The following SYNE1 variants were observed in gnomAD, a reference collection of about 807,000 sequenced individuals.
The protein encoded by SYNE1 is spectrin repeat containing nuclear envelope protein 1.
In SYNE1, 616 loss-of-function variants were observed where a neutral mutation model predicts 1,111.0. That is an observed-to-expected ratio of 0.55 (90% CI 0.52 to 0.59). SYNE1 has a LOEUF of 0.59. SYNE1 is among the 20% of genes least tolerant of loss of function. The pLI is 0.00. For missense variants in SYNE1, 10,006 were observed against 10,417.0 expected (o/e 0.96, Z 1.72); for synonymous variants, 3,855 against 3,825.8 (o/e 1.01, Z -0.28).
At chr6:152,442,302 G>A (rs2098538816) in intron 30 of SYNE1, 57 bp from the exon 31 acceptor site, 14 of 1,601,480 alleles carry the variant, frequency 8.7e-6, no homozygotes, top group Non-Finnish European at 5.1e-6. Flanking sequence ...CAGCTAAGTA[G>A]GGACATCAAC....
intron 127 of SYNE1, among the ~76,000 whole-genome samples, chr6:152,198,984 T>TAA (rs61232469): frequency 0.16 from 21,696 of 134,992 alleles, 1,811 homozygotes; most frequent in East Asian, 0.22. Context: ...CTTCAATTTG[T>TAA]AAAAAAAAAA....
intron 2 of SYNE1, 42 bp downstream of exon 2, chr6:152,636,594 GTC>G (rs2099706282): frequency 6.5e-6 from 1 of 152,930 alleles, no homozygotes. Flanking sequence ...TCCTCTCCCT[GTC>G]TCTGTCTCTC....
intron 4 of SYNE1, among the ~76,000 whole-genome samples, chr6:152,532,919 G>T (rs542582319): frequency 6.6e-6 from 1 of 152,030 alleles, no homozygotes; most frequent in Admixed American, 6.6e-5. Context: ...AAGGAAGAGA[G>T]GTTAACCAGC....
rs214976 is a variant in SYNE1, at chr6:152,451,129, A to G, written c.3104T>C (p.Val1035Ala). 0.44 allele frequency: 717,008 copies of G among 1,613,752 alleles called. 167,640 individuals carry two copies. Among genetic ancestry groups the G allele is most frequent in the East Asian group, 0.78 (34,820 of 44,856 alleles). The change falls in exon 26 of 146, where the codon GTA becomes GCA. Residue 1035 changes from valine to alanine, a missense_variant. This residue lies in a region of SYNE1 where 1,971 missense variants were observed against 2,084.1 expected (regional missense o/e 0.95). Coordinates refer to ENST00000367255, the MANE Select transcript of SYNE1 (RefSeq NM_182961.4). ...ATCCAGCTCAGTTCTGCATTCTTCT[A>G]CAGAGGCTAAGAACCTATTCTTCTC... ...DVEKNRFLAS[V>A]EECRTELDRE...
chr6:152,319,468 T>C (rs1383240485), intron 84 of SYNE1, among the ~76,000 whole-genome samples: 1 of 152,230 alleles, frequency 6.6e-6, no homozygotes, highest in Non-Finnish European at 1.5e-5. Context: ...TAATGATCTG[T>C]TAACTCTTTT....
intron 98 of SYNE1, chr6:152,277,829 T>C (rs1020126614): frequency 1.9e-6 from 1 of 531,638 alleles, no homozygotes; most frequent in African/African-American, 1.9e-5. Flanking sequence ...CTCTCATTGT[T>C]ACTTTCATGT....
In SYNE1 at chr6:152,475,238, G is replaced by A. The variant is rs548211252; in HGVS notation, c.1351-2825C>T. ...TCAGAACAGAAGCATTATAAGTACA[G>A]TCACTCCTTGACTCATGATGGGGTT... is the stretch of plus-strand genomic sequence containing the variant. On this transcript the variant is annotated intron_variant, in intron 14 of 145. Coordinates refer to ENST00000367255, the MANE Select transcript of SYNE1 (RefSeq NM_182961.4). Among the ~76,000 whole-genome samples, 6 of 152,250 alleles carry A rather than the reference G, an allele frequency of 3.9e-5. No homozygotes were observed. In the South Asian group the frequency reaches 1.2e-3, roughly 32 times the overall value.
At chr6:152,392,152 A>G (rs1053862562) in intron 51 of SYNE1, among the ~76,000 whole-genome samples, 5 of 152,144 alleles carry the variant, frequency 3.3e-5, no homozygotes, top group African/African-American at 1.2e-4. Context: ...CTCTATCGCC[A>G]TGTATGCCGA....
intron 3 of SYNE1, among the ~76,000 whole-genome samples, chr6:152,589,364 A>G (rs1334756049): frequency 6.6e-6 from 1 of 152,198 alleles, no homozygotes; most frequent in African/African-American, 2.4e-5. Flanking sequence ...ATGAAATTTA[A>G]TATAAATATT....
intron 42 of SYNE1, among the ~76,000 whole-genome samples, chr6:152,411,692 A>G (rs2098047760): frequency 6.6e-6 from 1 of 150,674 alleles, no homozygotes; most frequent in Admixed American, 6.6e-5. Context: ...GTCCTGCTCC[A>G]CAAGGAGCAC....
At chr6:152,506,911 C>T (rs2099061136) in intron 8 of SYNE1, among the ~76,000 whole-genome samples, 1 of 152,118 alleles carries the variant, frequency 6.6e-6, no homozygotes, top group African/African-American at 2.4e-5. Context: ...ACTTATCATT[C>T]ACTTTAAAAC....
intron 115 of SYNE1, among the ~76,000 whole-genome samples, chr6:152,230,117 C>T (rs565892778): frequency 8.6e-5 from 13 of 151,868 alleles, no homozygotes; most frequent in African/African-American, 2.2e-4. Context: ...ACTGCAGCCT[C>T]GATCTCCTGA....
intron 34 of SYNE1, among the ~76,000 whole-genome samples, chr6:152,431,780 T>A (rs1563974679): frequency 6.6e-6 from 1 of 152,188 alleles, no homozygotes; most frequent in Non-Finnish European, 1.5e-5. Context: ...TTTACATAAA[T>A]GTCGGATATG....
At chr6:152,615,014 G>A (rs932664503) in intron 3 of SYNE1, among the ~76,000 whole-genome samples, 1 of 152,086 alleles carries the variant, frequency 6.6e-6, no homozygotes, top group Admixed American at 6.6e-5. Context: ...ATAGCATTAG[G>A]AGAAATACCT....
rs777854994 is a variant in SYNE1, at chr6:152,367,062, G to C, written c.9972+156C>G. 8 of 889,226 alleles carry C rather than the reference G, an allele frequency of 9.0e-6. No individual in the cohort carries two copies. In the South Asian group the frequency reaches 1.1e-4, roughly 12 times the overall value. 55.1% of individuals were successfully genotyped at this position (889,226 alleles called of 1,614,324 possible). On this transcript the variant is annotated intron_variant, in intron 62 of 145. Coordinates refer to ENST00000367255, the MANE Select transcript of SYNE1 (RefSeq NM_182961.4). ...GGTCAGATGATTCAGGAATTCTCTG[G>C]CATGTGCACCCAAGGCAGACAGCGT...
intron 4 of SYNE1, among the ~76,000 whole-genome samples, chr6:152,536,473 T>C (rs905154817): frequency 1.4e-5 from 2 of 141,608 alleles, no homozygotes; most frequent in African/African-American, 5.2e-5. Flanking sequence ...ATATACAATA[T>C]ATATAGTAAT....
intron 50 of SYNE1, 147 bp from the exon 51 acceptor site, chr6:152,395,818 A>G (rs1670942924): frequency 4.1e-6 from 3 of 737,140 alleles, no homozygotes; most frequent in Non-Finnish European, 6.9e-6. Context: ...CTTAACAACT[A>G]ACCCACCCAA....
chr6:152,441,002 G>A (rs535858805), intron 32 of SYNE1, 128 bp downstream of exon 32: 13 of 1,120,064 alleles, frequency 1.2e-5, no homozygotes, highest in Admixed American at 6.2e-5. Context: ...GAAAGAATGG[G>A]TCATCAATAA....
In SYNE1 at chr6:152,278,258, T is replaced by C. The variant is rs775239823; in HGVS notation, c.18404A>G (p.Gln6135Arg). 11 of 1,614,066 alleles carry C rather than the reference T, an allele frequency of 6.8e-6. No individual in the cohort carries two copies. The highest frequency in any genetic ancestry group is 8.5e-6 in the Non-Finnish European group (10 of 1,180,060). Residue 6135 changes from glutamine (Q) to arginine (R), a missense_variant, in exon 98 of 146, where the codon CAG becomes CGG. Physicochemically the swap from Gln to Arg is conservative, Grantham distance 43. Transcript: ENST00000367255. ...DCQNMLVEIE[Q>R]KVVALSELSV... ...CAGTTCTGATAAAGCCACCACCTTC[T>C]GCTCTATTTCCACCAGCATATTCTG... is the stretch of plus-strand genomic sequence containing the variant.
Sources: gnomAD v4.1 joint callset for allele counts (sites outside exome capture counted in the v4.1 genomes callset) on GRCh38, gnomAD v4.1.1 for gene constraint, gnomAD v4.1.1 regional missense constraint, MANE v1.5 for transcripts, NCBI Gene and HGNC (gene_info 2026-07-23, HGNC 2026-07-21) for gene names.